PICALM: variants seen among roughly 807,000 people sequenced by gnomAD.
PICALM encodes the protein phosphatidylinositol-binding clathrin assembly protein.
PICALM carries 40 observed loss-of-function variants against 80.5 expected under a neutral mutation model. That is an observed-to-expected ratio of 0.50 (90% CI 0.39 to 0.65). PICALM has a LOEUF of 0.65. Ranked by LOEUF, PICALM falls within the 30% of genes least tolerant of loss-of-function variation. The pLI is 0.00. For synonymous variants in PICALM, 288 were observed against 260.3 expected, an observed-to-expected ratio of 1.11 and a Z score of -1.02; for missense variants, 676 against 778.9, an observed-to-expected ratio of 0.87 and a Z score of 1.57.
intron 19 of PICALM, among the ~76,000 whole-genome samples, chr11:85,969,213 C>A (rs2094015816): frequency 6.6e-6 from 1 of 152,244 alleles, no homozygotes; most frequent in South Asian, 2.1e-4. Flanking sequence ...GAATGTCTCA[C>A]TAAATGGCAA....
At chr11:86,022,923 T>G (rs1287015633) in intron 3 of PICALM, among the ~76,000 whole-genome samples, 1 of 152,098 alleles carries the variant, frequency 6.6e-6, no homozygotes, top group African/African-American at 2.4e-5. Context: ...GTGCCAACCT[T>G]ATAAAAAGTA....
intron 19 of PICALM, among the ~76,000 whole-genome samples, chr11:85,962,840 A>G (rs1369213668): frequency 1.3e-5 from 2 of 152,230 alleles, no homozygotes; most frequent in African/African-American, 4.8e-5. Flanking sequence ...CACAGCTCCA[A>G]GGAGTGGGAC....
chr11:85,990,399 T>A lies in PICALM; in HGVS notation c.1259A>T (p.Asp420Val). ...TASQVASTWG[D>V]PFSATVDAVD... ...AGCATCTACAGTAGCAGAGAAAGGA[T>A]CTGTGCAGTCCAAATGTATTATAGC... Residue 420 changes from aspartate to valine, a missense_variant and splice_region_variant, in exon 13 of 20, where the codon GAT becomes GTT. Around this residue, in one of 2 missense-constraint regions of PICALM, gnomAD observed 391 missense variants for 383.6 expected, o/e 1.02. Transcript: ENST00000393346. 2 of 1,596,350 alleles carry A rather than the reference T, an allele frequency of 1.3e-6. No homozygotes were observed. The highest frequency in any genetic ancestry group is 1.7e-6 in the Non-Finnish European group (2 of 1,166,556).
chr11:86,049,296 A>C (rs368877825), intron 1 of PICALM, among the ~76,000 whole-genome samples: 1 of 152,302 alleles, frequency 6.6e-6, no homozygotes, highest in Admixed American at 6.5e-5. Flanking sequence ...AACAAACAAA[A>C]AAAAACATAA....
chr11:86,030,489 A>G lies in PICALM; in HGVS notation c.273+980T>C, dbSNP rs180916786. ...TTCCCGGGCTGCATTTTTCTAAGGC[A>G]CATACCGAAGAAGATTTATCTAGTT... On this transcript the variant is annotated intron_variant, in intron 2 of 19. Coordinates refer to ENST00000393346, the MANE Select transcript of PICALM (RefSeq NM_007166.4). 7.2e-5 allele frequency among the ~76,000 whole-genome samples: 11 copies of G among 151,834 alleles called. No individual in the cohort carries two copies. In the East Asian group the frequency reaches 2.1e-3, roughly 29 times the overall value.
chr11:86,023,186 T>C (rs528141716), intron 3 of PICALM, among the ~76,000 whole-genome samples: 2 of 152,318 alleles, frequency 1.3e-5, no homozygotes, highest in Middle Eastern at 3.4e-3. Flanking sequence ...TTGCTCCTCA[T>C]TGAAAAGTGA....
At chr11:86,057,127 C>T (rs1401154279) in intron 1 of PICALM, among the ~76,000 whole-genome samples, 1 of 152,216 alleles carries the variant, frequency 6.6e-6, no homozygotes, top group East Asian at 1.9e-4. Context: ...CTAAATAACA[C>T]TGAATTCTCT....
intron 1 of PICALM, among the ~76,000 whole-genome samples, chr11:86,050,651 CCATCAATTCAT>C (rs1294400010): frequency 8.5e-5 from 13 of 152,088 alleles, no homozygotes; most frequent in Non-Finnish European, 1.6e-4. Flanking sequence ...AAGCAATTAT[CCATCAATTCAT>C]CACTTAATAA....
chr11:86,055,953 T>C (rs2096262209), intron 1 of PICALM, among the ~76,000 whole-genome samples: 1 of 151,430 alleles, frequency 6.6e-6, no homozygotes, highest in South Asian at 2.1e-4. Context: ...CTGGCCAACA[T>C]GGAAAAACCC....
At chr11:86,020,696 T>C (rs376671756) in intron 4 of PICALM, among the ~76,000 whole-genome samples, 35 of 152,234 alleles carry the variant, frequency 2.3e-4, no homozygotes, top group East Asian at 7.7e-4. Flanking sequence ...AAGAATAAAT[T>C]TGGACTCACC....
intron 3 of PICALM, chr11:86,023,446 TCA>T (rs1491235112): frequency 1.0e-6 from 1 of 985,020 alleles, no homozygotes; most frequent in Non-Finnish European, 1.2e-6. Flanking sequence ...TGTTACATGC[TCA>T]CATTCCTCAG....
intron 6 of PICALM, among the ~76,000 whole-genome samples, chr11:86,011,368 A>G (rs548250268): frequency 2.0e-5 from 3 of 152,350 alleles, no homozygotes; most frequent in South Asian, 4.1e-4. Flanking sequence ...AGTTTGTGCC[A>G]TAGTACTTTT....
At chr11:86,008,937 GAAAAAAAAAAAAGCCAA>G (rs1233172083) in intron 7 of PICALM, among the ~76,000 whole-genome samples, 15 of 56,040 alleles carry the variant, frequency 2.7e-4, no homozygotes, top group African/African-American at 1.4e-4. Flanking sequence ...CCAGAAAAAG[GAAAAAAAAAAAAGCCAA>G]AAAAAAAAAA....
rs1363241637 is a variant in PICALM, at chr11:85,965,810, TTTTTG to T, written c.1945-6755_1945-6751del. 6.7e-4 allele frequency among the ~76,000 whole-genome samples: 23 copies of T among 34,096 alleles called. 1 individual carries two copies. The highest frequency in any genetic ancestry group is 3.3e-3 in the African/African-American group (20 of 6,002). 22.4% of individuals were successfully genotyped at this position (34,096 alleles called of 152,430 possible). A position where few individuals can be genotyped will look rare whatever the true frequency, so the allele number is the denominator to read the frequency against. ...CCTTGAATGCATTACCCATTTTGTTTTTTTGTTTTTTTTTTTTTTTTTTTTTTTGA... is the reference window on the plus strand; with the variant it reads ...CCTTGAATGCATTACCCATTTTGTTTTTTTTTTTTTTTTTTTTTTTTTTGA... On this transcript the variant is annotated intron_variant, in intron 19 of 19. Coordinates refer to ENST00000393346, the MANE Select transcript of PICALM (RefSeq NM_007166.4).
intron 19 of PICALM, among the ~76,000 whole-genome samples, chr11:85,959,848 G>T (rs1403156224): frequency 6.6e-6 from 1 of 151,942 alleles, no homozygotes. Flanking sequence ...CCAGGGTGCT[G>T]GGATTACAGG....
At chr11:85,998,419 T>C (rs1405432407) in intron 11 of PICALM, among the ~76,000 whole-genome samples, 1 of 151,888 alleles carries the variant, frequency 6.6e-6, no homozygotes, top group Admixed American at 6.6e-5. Context: ...CCGACTTCTA[T>C]GTGATTTTAA....
At chr11:85,973,293 A>C (rs1413483100) in intron 19 of PICALM, among the ~76,000 whole-genome samples, 1 of 152,190 alleles carries the variant, frequency 6.6e-6, no homozygotes, top group African/African-American at 2.4e-5. Context: ...TGAGAAATGA[A>C]AGGATTGCCT....
intron 13 of PICALM, among the ~76,000 whole-genome samples, chr11:85,987,877 A>G (rs1258210409): frequency 1.3e-5 from 2 of 152,264 alleles, no homozygotes; most frequent in Non-Finnish European, 2.9e-5. Context: ...CCTGCAAGAC[A>G]CTATTATCCC....
At chr11:86,054,307 T>C (rs1022105567) in intron 1 of PICALM, among the ~76,000 whole-genome samples, 33 of 152,218 alleles carry the variant, frequency 2.2e-4, no homozygotes, top group African/African-American at 8.0e-4. Flanking sequence ...AAAAAATACA[T>C]TGCTAGTTTC....
Sources: allele counts gnomAD v4.1 joint callset (sites outside exome capture counted in the v4.1 genomes callset), GRCh38; gene constraint gnomAD v4.1.1; regional missense constraint gnomAD v4.1.1; transcripts MANE v1.5; gene names NCBI Gene and HGNC (gene_info 2026-07-23, HGNC 2026-07-21).